Variants in CCDC91 observed in about 807,000 individuals in gnomAD.
The protein encoded by CCDC91 is coiled-coil domain-containing protein 91.
In CCDC91, 48 loss-of-function variants were observed where a neutral mutation model predicts 63.2. The observed-to-expected ratio is 0.76, with a 90% CI of 0.60 to 0.97. CCDC91 has a LOEUF of 0.97. Among genes scored for constraint, CCDC91 ranks in the 50% least tolerant of loss-of-function variants. The probability of loss-of-function intolerance (pLI) is 0.00; values close to 1 mark genes in which losing one functional copy is unlikely to be tolerated. For synonymous variants in CCDC91, 167 were observed against 165.8 expected (o/e 1.01, Z -0.06); for missense variants, 500 against 494.6 (o/e 1.01, Z -0.10).
intron 8 of CCDC91, among the ~76,000 whole-genome samples, chr12:28,419,738 T>G (rs1947888721): frequency 7.2e-6 from 1 of 139,696 alleles, no homozygotes; most frequent in African/African-American, 2.8e-5. Context: ...TCATGTGCTG[T>G]TTTTTTTAAA....
intron 12 of CCDC91, among the ~76,000 whole-genome samples, chr12:28,490,735 C>A (rs1210118779): frequency 2.0e-5 from 3 of 151,808 alleles, no homozygotes; most frequent in Non-Finnish European, 4.4e-5. Flanking sequence ...ATCTTAAACT[C>A]TTTGACAGTT....
chr12:28,225,882 G>C (rs1944241293), intron 1 of CCDC91: 1 of 152,178 alleles, frequency 6.6e-6, no homozygotes, highest in Non-Finnish European at 1.5e-5. Flanking sequence ...GTGAAACATA[G>C]TAATTCCTTT....
chr12:28,340,029 A>C (rs1942301196), intron 6 of CCDC91, among the ~76,000 whole-genome samples: 1 of 152,148 alleles, frequency 6.6e-6, no homozygotes, highest in Non-Finnish European at 1.5e-5. Context: ...GTGGTTGCTA[A>C]ATATTTTGAC....
At chr12:28,516,329 G>A (rs1939942860) in intron 12 of CCDC91, among the ~76,000 whole-genome samples, 1 of 151,966 alleles carries the variant, frequency 6.6e-6, no homozygotes, top group Non-Finnish European at 1.5e-5. Context: ...TCTAGGCTGA[G>A]TGTAATAGCT....
At position 28,410,426 on chromosome 12, in the gene CCDC91, GT is replaced by G. The variant is rs139769552; in HGVS notation, c.762+19019del. Among the ~76,000 whole-genome samples the G allele has an allele frequency of 7.0e-3, 1,071 of 152,164 alleles. 8 individuals are homozygous for G. Among genetic ancestry groups the G allele is most frequent in the African/African-American group, 0.024 (986 of 41,510 alleles). On this transcript the variant is annotated intron_variant, in intron 8 of 12. Transcript: ENST00000536442. The stretch of plus-strand genomic sequence containing the variant: ...ATATATTGGTTTATGTTTCAAATGG[GT>G]TTTCTTGTAGGAAGCATATTATTGC...
chr12:28,267,819 T>TATATA (rs1450343599), intron 3 of CCDC91, among the ~76,000 whole-genome samples: 4,190 of 32,936 alleles, frequency 0.13, 772 homozygotes, highest in Non-Finnish European at 0.17. Context: ...TATATAATTA[T>TATATA]ATTATTAATA....
rs538654157 is a variant in CCDC91 at position 28,405,132 on chromosome 12, T to G, written c.762+13721T>G. On this transcript the variant is annotated intron_variant, in intron 8 of 12. Coordinates refer to ENST00000536442, the MANE Select transcript of CCDC91 (RefSeq NM_018318.5). The stretch of plus-strand genomic sequence containing the variant: ...ACCTTTTCTGGTTCAAATTGAAAAT[T>G]TTATGATTTAATTTTCTCTCCTGTC... Among the ~76,000 whole-genome samples, 43 of 152,132 alleles carry G rather than the reference T, an allele frequency of 2.8e-4. No homozygotes were observed. The South Asian group carries it at 8.9e-3, about 32-fold the overall frequency.
chr12:28,404,981 T>A lies in CCDC91; in HGVS notation c.762+13570T>A, dbSNP rs75766460. On this transcript the variant is annotated intron_variant, in intron 8 of 12. Coordinates refer to ENST00000536442, the MANE Select transcript of CCDC91 (RefSeq NM_018318.5). ...TTGGTGTTTTTAGACCATTGACATT[T>A]ACAATAGACCATTGACATTTACAAT... is the stretch of plus-strand genomic sequence containing the variant. Among the ~76,000 whole-genome samples, 91 of 152,198 alleles carry A rather than the reference T, an allele frequency of 6.0e-4. 1 individual carries two copies. The highest frequency in any genetic ancestry group is 2.0e-3 in the African/African-American group (84 of 41,560).
intron 11 of CCDC91, among the ~76,000 whole-genome samples, chr12:28,458,774 A>G (rs1471767892): frequency 6.6e-6 from 1 of 152,048 alleles, no homozygotes. Context: ...CTGAAAAATA[A>G]TCCTTAAACA....
At chr12:28,278,360 AC>A (rs1348608570) in intron 3 of CCDC91, among the ~76,000 whole-genome samples, 2 of 151,600 alleles carry the variant, frequency 1.3e-5, no homozygotes, top group Non-Finnish European at 2.9e-5. Flanking sequence ...TTATATTTTC[AC>A]TTCGATGAAA....
At chr12:28,255,839 T>C in intron 1 of CCDC91, 1 of 152,188 alleles carries the variant, frequency 6.6e-6, no homozygotes, top group East Asian at 1.9e-4. Flanking sequence ...TACTGTTTTT[T>C]TCTTTGACAA....
intron 3 of CCDC91, among the ~76,000 whole-genome samples, chr12:28,276,408 G>A (rs1023443229): frequency 6.6e-6 from 1 of 151,896 alleles, no homozygotes; most frequent in Admixed American, 6.6e-5. Flanking sequence ...AAATAAACAG[G>A]CAATCATACT....
intron 3 of CCDC91, among the ~76,000 whole-genome samples, chr12:28,273,119 T>C (rs1321083933): frequency 6.6e-6 from 1 of 152,000 alleles, no homozygotes; most frequent in Non-Finnish European, 1.5e-5. Context: ...GATAGTTTGC[T>C]GAGAATGATG....
intron 1 of CCDC91, among the ~76,000 whole-genome samples, chr12:28,218,699 T>TTGTGTG (rs60247849): frequency 0.011 from 1,656 of 146,608 alleles, 13 homozygotes; most frequent in East Asian, 0.034. Flanking sequence ...TTGCAGATGT[T>TTGTGTG]TGTGTGTGTG....
chr12:28,504,115 C>T (rs1287053861), intron 12 of CCDC91, among the ~76,000 whole-genome samples: 4 of 143,454 alleles, frequency 2.8e-5, no homozygotes, highest in Non-Finnish European at 4.8e-5. Context: ...TTAAAAAAGA[C>T]TCCAACTCCA....
At chr12:28,500,600 G>T (rs1190827449) in intron 12 of CCDC91, among the ~76,000 whole-genome samples, 1 of 151,628 alleles carries the variant, frequency 6.6e-6, no homozygotes, top group Non-Finnish European at 1.5e-5. Flanking sequence ...ACCACAGAAG[G>T]TATTGGCAAA....
At chr12:28,264,587 G>GTA (rs1364689149) in intron 3 of CCDC91, among the ~76,000 whole-genome samples, 32 of 143,636 alleles carry the variant, frequency 2.2e-4, no homozygotes, top group Middle Eastern at 3.5e-3. Context: ...ATGTCTGTCT[G>GTA]TGTGTGTGTG....
intron 11 of CCDC91, among the ~76,000 whole-genome samples, chr12:28,453,660 T>A (rs900546883): frequency 7.9e-5 from 12 of 152,072 alleles, no homozygotes; most frequent in African/African-American, 2.4e-4. Context: ...TTCTTGCGTT[T>A]TTTCACTAAA....
intron 8 of CCDC91, among the ~76,000 whole-genome samples, chr12:28,410,737 G>GGC (rs1947266398): frequency 6.6e-6 from 1 of 152,124 alleles, no homozygotes; most frequent in South Asian, 2.1e-4. Flanking sequence ...GGCCGGGCTG[G>GGC]TCTCAAACTC....
Sources: gnomAD v4.1 joint callset for allele counts (sites outside exome capture counted in the v4.1 genomes callset) on GRCh38, gnomAD v4.1.1 for gene constraint, MANE v1.5 for transcripts, NCBI Gene and HGNC (gene_info 2026-07-23, HGNC 2026-07-21) for gene names.